Variants in ARPP21 observed in about 807,000 individuals in gnomAD.
The protein encoded by ARPP21 is cAMP regulated phosphoprotein 21.
In ARPP21, 69 loss-of-function variants were observed where a neutral mutation model predicts 113.2. The ratio of observed to expected loss-of-function variants is 0.61; its 90% CI spans 0.50 to 0.74. The LOEUF is 0.74. Among genes scored for constraint, ARPP21 ranks in the 30% least tolerant of loss-of-function variants. The pLI is 0.00. For synonymous variants in ARPP21, 368 were observed against 375.5 expected, an observed-to-expected ratio of 0.98 and a Z score of 0.23; for missense variants, 1,070 against 1,037.4, an observed-to-expected ratio of 1.03 and a Z score of -0.43.
chr3:35,753,937 T>TAATGTAATTGTC (rs1299145028), intron 19 of ARPP21, among the ~76,000 whole-genome samples: 1 of 151,590 alleles, frequency 6.6e-6, no homozygotes, highest in Admixed American at 6.6e-5. Context: ...CTTGACTGAT[T>TAATGTAATTGTC]AATGTAATTG....
At chr3:35,673,062 G>C (rs1433033023) in intron 1 of ARPP21, among the ~76,000 whole-genome samples, 1 of 152,030 alleles carries the variant, frequency 6.6e-6, no homozygotes, top group African/African-American at 2.4e-5. Context: ...AAAGGTAGTT[G>C]TTTCATTGGT....
chr3:35,709,405 A>G (rs994963754), intron 11 of ARPP21, among the ~76,000 whole-genome samples: 1 of 152,204 alleles, frequency 6.6e-6, no homozygotes, highest in Non-Finnish European at 1.5e-5. Context: ...TTACCTACCT[A>G]GTGTTGTTTT....
intron 19 of ARPP21, chr3:35,774,933 C>T (rs932663114): frequency 6.6e-6 from 1 of 152,140 alleles, no homozygotes; most frequent in Admixed American, 6.5e-5. Flanking sequence ...CCTGTTCTTC[C>T]CATTTCAAAG....
intron 9 of ARPP21, among the ~76,000 whole-genome samples, chr3:35,693,745 T>A (rs1453494299): frequency 6.6e-6 from 1 of 151,664 alleles, no homozygotes; most frequent in Non-Finnish European, 1.5e-5. Flanking sequence ...CATGTGTTGG[T>A]CATGGGAACC....
At chr3:35,791,051 A>G (rs2096737366) in intron 19 of ARPP21, among the ~76,000 whole-genome samples, 1 of 152,190 alleles carries the variant, frequency 6.6e-6, no homozygotes, top group Non-Finnish European at 1.5e-5. Flanking sequence ...AACTGAGCCA[A>G]TCTCCTAATT....
At chr3:35,783,739 C>T (rs909230723) in intron 19 of ARPP21, among the ~76,000 whole-genome samples, 6 of 152,146 alleles carry the variant, frequency 3.9e-5, no homozygotes, top group Non-Finnish European at 5.9e-5. Context: ...TTTTATAGCA[C>T]GCTTTTCAAG....
chr3:35,762,953 G>A (rs1203256905), intron 19 of ARPP21, among the ~76,000 whole-genome samples: 1 of 152,032 alleles, frequency 6.6e-6, no homozygotes, highest in African/African-American at 2.4e-5. Context: ...AAACATTACT[G>A]ATTCTGATGC....
At chr3:35,771,341 T>C (rs1312251401) in intron 19 of ARPP21, among the ~76,000 whole-genome samples, 1 of 152,054 alleles carries the variant, frequency 6.6e-6, no homozygotes, top group Non-Finnish European at 1.5e-5. Context: ...TTGTTTTTTT[T>C]TTTTTAAGAT....
chr3:35,768,417 A>G (rs774762811), intron 19 of ARPP21, among the ~76,000 whole-genome samples: 13 of 152,136 alleles, frequency 8.5e-5, no homozygotes, highest in Non-Finnish European at 1.9e-4. Flanking sequence ...ATTGGCTAAC[A>G]CGGACATATA....
chr3:35,716,169 T>A (rs1193621999), intron 12 of ARPP21, among the ~76,000 whole-genome samples: 4 of 152,110 alleles, frequency 2.6e-5, no homozygotes, highest in Non-Finnish European at 5.9e-5. Flanking sequence ...AAATGCCCCA[T>A]TGATTTAATT....
chr3:35,645,040 A>G (rs887061553), intron 1 of ARPP21, among the ~76,000 whole-genome samples: 3 of 151,988 alleles, frequency 2.0e-5, no homozygotes, highest in Non-Finnish European at 4.4e-5. Context: ...AAACTGTCTC[A>G]TTCAAGGAAT....
chr3:35,675,533 T>C (rs773753541), intron 1 of ARPP21, among the ~76,000 whole-genome samples: 2 of 151,888 alleles, frequency 1.3e-5, no homozygotes, highest in Non-Finnish European at 2.9e-5. Context: ...TCATTCAGAT[T>C]ATTGACATCC....
chr3:35,740,859 G>C (rs916830805), intron 18 of ARPP21, among the ~76,000 whole-genome samples: 41 of 152,124 alleles, frequency 2.7e-4, no homozygotes, highest in South Asian at 1.7e-3. Context: ...GCACTTTGGG[G>C]GGCTGAGGCA....
chr3:35,667,851 A>G (rs1159237764), intron 1 of ARPP21, among the ~76,000 whole-genome samples: 1 of 89,088 alleles, frequency 1.1e-5, no homozygotes, highest in Non-Finnish European at 2.1e-5. Flanking sequence ...AAAGAAGAAG[A>G]AGAAGAAGAA....
chr3:35,677,220 A>G (rs1048686668), intron 1 of ARPP21, among the ~76,000 whole-genome samples: 2 of 151,896 alleles, frequency 1.3e-5, no homozygotes, highest in East Asian at 1.9e-4. Flanking sequence ...CGAAATTTGA[A>G]TCAAATCTGA....
intron 19 of ARPP21, among the ~76,000 whole-genome samples, chr3:35,761,563 T>G (rs1376219625): frequency 6.6e-6 from 1 of 151,988 alleles, no homozygotes; most frequent in African/African-American, 2.4e-5. Flanking sequence ...ACTCTGTTGC[T>G]AAAAAAACAA....
At chr3:35,792,124 A>T in intron 19 of ARPP21, 1 of 337,032 alleles carries the variant, frequency 3.0e-6, no homozygotes, top group Non-Finnish European at 5.4e-6. Context: ...TGAATAATTT[A>T]TCATTGTCAC....
rs202203517 is a variant in ARPP21 at position 35,729,471 on chromosome 3, T to C, written c.1394T>C (p.Ile465Thr). 5.0e-6 allele frequency: 8 copies of C among 1,614,184 alleles called. No individual in the cohort carries two copies. Among genetic ancestry groups the C allele is most frequent in the Non-Finnish European group, 5.9e-6 (7 of 1,180,042 alleles). Residue 465 changes from isoleucine to threonine, a missense_variant, in exon 15 of 21, where the codon ATC (isoleucine) becomes ACC (threonine). By Grantham distance (89) the Ile-to-Thr change is moderately conservative. Transcript: ENST00000684406. ...GTTGCTCCCAGCAGCACCAGCTACA[T>C]CCTCCTTCCACTTGAAGCTGCAACA... ...GQVAPSSTSY[I>T]LLPLEAATGI...
chr3:35,700,612 T>C (rs1276409319), intron 9 of ARPP21, among the ~76,000 whole-genome samples: 1 of 151,704 alleles, frequency 6.6e-6, no homozygotes, highest in Non-Finnish European at 1.5e-5. Context: ...AAGAAATTAG[T>C]ACCCTGGAGC....
Sources: gnomAD v4.1 joint callset for allele counts (sites outside exome capture counted in the v4.1 genomes callset) on GRCh38, gnomAD v4.1.1 for gene constraint, MANE v1.5 for transcripts, NCBI Gene and HGNC (gene_info 2026-07-23, HGNC 2026-07-21) for gene names.